The following GREB1 variants were observed in gnomAD, a reference collection of about 807,000 sequenced individuals.
GREB1 encodes the protein growth regulating estrogen receptor binding 1.
A neutral mutation model predicts 200.7 loss-of-function variants in GREB1; 106 were observed. The observed-to-expected ratio is 0.53, with a 90% CI of 0.45 to 0.62. The LOEUF is 0.62. Ranked by LOEUF, GREB1 falls within the 20% of genes least tolerant of loss-of-function variation. The pLI, the probability that GREB1 is intolerant of heterozygous loss-of-function variation, is 0.00. For missense variants in GREB1, 2,243 were observed against 2,556.8 expected (o/e 0.88, Z 2.65); for synonymous variants, 1,132 against 1,092.4 (o/e 1.04, Z -0.72).
chr2:11,640,514 C>G lies in GREB1; in HGVS notation c.*60C>G. 6.3e-7 allele frequency: 1 copy of G among 1,576,986 alleles called. No homozygotes were observed. Among genetic ancestry groups the G allele is most frequent in the South Asian group, 1.1e-5 (1 of 90,102 alleles). On this transcript the variant is annotated 3_prime_UTR_variant, in exon 33 of 33. Transcript: ENST00000381486. The surrounding 1 kb of genome is among the most constrained non-coding windows in gnomAD (Gnocchi z 4.6). ...GCTCAGAGCCCTCATGCTGTTGAGG[C>G]TAAAGGGAGGCCTGGAACGGTGGGG...
chr2:11,500,872 A>G (rs575741763), intron 1 of GREB1, among the ~76,000 whole-genome samples: 30 of 152,358 alleles, frequency 2.0e-4, no homozygotes, highest in Admixed American at 3.3e-4. Context: ...GAGGAATGGC[A>G]GAAGAAACGA....
At chr2:11,491,480 A>G (rs1672772711) in intron 1 of GREB1, among the ~76,000 whole-genome samples, 1 of 152,212 alleles carries the variant, frequency 6.6e-6, no homozygotes. Flanking sequence ...GTCTGAGAGT[A>G]GGGCCAATGA....
chr2:11,518,984 C>T (rs1160752967), intron 1 of GREB1, among the ~76,000 whole-genome samples: 4 of 151,344 alleles, frequency 2.6e-5, no homozygotes, highest in African/African-American at 9.7e-5. Context: ...CCTGTAGGCC[C>T]AGCTACTTGG....
rs186599330 is a variant in GREB1 at position 11,527,729 on chromosome 2, C to A, written c.-158-28728C>A. 1.7e-3 allele frequency among the ~76,000 whole-genome samples: 266 copies of A among 152,312 alleles called. 1 individual carries two copies. The highest frequency in any genetic ancestry group is 6.2e-3 in the African/African-American group (256 of 41,572). ...TAGTAAAACAGATGTGGACTCAGCT[C>A]TCATGTAGTTCAGGGTCCTACGGGA... On this transcript the variant is annotated intron_variant, in intron 1 of 2. Coordinates refer to the GREB1 transcript ENST00000628795.
At position 11,592,762 on chromosome 2, in the gene GREB1, G is replaced by A. The variant is rs752729465; in HGVS notation, c.1346-14G>A. On this transcript the variant is annotated splice_polypyrimidine_tract_variant and intron_variant, in intron 10 of 32. Coordinates refer to ENST00000381486, the MANE Select transcript of GREB1 (RefSeq NM_014668.4). Reference sequence around the variant, plus strand: ...GGCATTTGTGGCAGGCCCTCCGCCCGCATTGTGTTGCAGCCGCGGACCAGG... The same window carrying A: ...GGCATTTGTGGCAGGCCCTCCGCCCACATTGTGTTGCAGCCGCGGACCAGG... 4 of 1,475,754 alleles carry A rather than the reference G, an allele frequency of 2.7e-6. No homozygotes were observed. The highest frequency in any genetic ancestry group is 5.1e-5 in the Admixed American group (2 of 38,890). 91.4% of individuals were successfully genotyped at this position (1,475,754 alleles called of 1,614,324 possible).
At chr2:11,568,597 T>C (rs917599324) in intron 4 of GREB1, among the ~76,000 whole-genome samples, 18 of 152,262 alleles carry the variant, frequency 1.2e-4, no homozygotes, top group Non-Finnish European at 5.9e-5. Context: ...AGGCCATGCC[T>C]GGTGGCCACC....
chr2:11,517,478 A>C (rs560023630), intron 1 of GREB1: 2 of 151,354 alleles, frequency 1.3e-5, no homozygotes, highest in East Asian at 4.0e-4. Flanking sequence ...ATGGGAGACC[A>C]CTGGGGAGAC....
intron 8 of GREB1, among the ~76,000 whole-genome samples, chr2:11,585,497 C>T (rs954456191): frequency 6.6e-6 from 1 of 152,226 alleles, no homozygotes; most frequent in African/African-American, 2.4e-5. Flanking sequence ...ATAGTGAGTT[C>T]TCTGATCCTT....
chr2:11,537,672 TTTATATA>T (rs1382162894), intron 1 of GREB1, among the ~76,000 whole-genome samples: 1 of 136,766 alleles, frequency 7.3e-6, no homozygotes, highest in Non-Finnish European at 1.5e-5. Flanking sequence ...ATAAAAATAT[TTTATATA>T]TTATATATTA....
chr2:11,564,289 G>C (rs1187162508), intron 3 of GREB1, among the ~76,000 whole-genome samples: 2 of 152,058 alleles, frequency 1.3e-5, no homozygotes, highest in African/African-American at 4.8e-5. Flanking sequence ...TCGATGGGCT[G>C]CTCTTCCAGG....
chr2:11,512,842 C>G (rs10205078), intron 1 of GREB1, among the ~76,000 whole-genome samples: 1 of 152,142 alleles, frequency 6.6e-6, no homozygotes, highest in South Asian at 2.1e-4. Context: ...AGACTTTTTA[C>G]GCAGCTTAAG....
Position 11,642,647 on chromosome 2 carries a change from C to G in GREB1, c.*2193C>G, listed in dbSNP as rs1685878793. 6.6e-6 allele frequency: 1 copy of G among 152,202 alleles called. No individual in the cohort carries two copies. The highest frequency in any genetic ancestry group is 1.5e-5 in the Non-Finnish European group (1 of 68,036). 9.4% of individuals were successfully genotyped at this position (152,202 alleles called of 1,614,324 possible). A position where few individuals can be genotyped will look rare whatever the true frequency, so the allele number is the denominator to read the frequency against. On this transcript the variant is annotated 3_prime_UTR_variant, in exon 33 of 33. Coordinates refer to ENST00000381486, the MANE Select transcript of GREB1 (RefSeq NM_014668.4). Reference sequence around the variant, plus strand: ...CTATTTTGGAATAAAAACTGACCTTCTTTAATCATATACTTGTCTTTTGTA... The same window carrying G: ...CTATTTTGGAATAAAAACTGACCTTGTTTAATCATATACTTGTCTTTTGTA...
chr2:11,492,189 A>G lies in GREB1; in HGVS notation c.-159+9808A>G, dbSNP rs1431896909. 6.6e-6 allele frequency among the ~76,000 whole-genome samples: 1 copy of G among 152,132 alleles called. No homozygotes were observed. Among genetic ancestry groups the G allele is most frequent in the Non-Finnish European group, 1.5e-5 (1 of 68,028 alleles). On this transcript the variant is annotated intron_variant, in intron 1 of 2. Coordinates refer to the GREB1 transcript ENST00000628795. The surrounding 1 kb of genome is among the most constrained non-coding windows in gnomAD (Gnocchi z 4.0). ...TCTGGGATTGTTCACCTAGCACTGG[A>G]GCATCGTCATGGACACGCCAGGCCT...
At chr2:11,636,324 A>G (rs1685314121) in intron 30 of GREB1, among the ~76,000 whole-genome samples, 1 of 152,134 alleles carries the variant, frequency 6.6e-6, no homozygotes, top group Non-Finnish European at 1.5e-5. Context: ...TGGCTTTAAA[A>G]CGAACTTTTC....
Position 11,493,590 on chromosome 2 carries a change from G to A in GREB1, c.-159+11209G>A, listed in dbSNP as rs182931670. 5.7e-4 allele frequency among the ~76,000 whole-genome samples: 87 copies of A among 152,284 alleles called. No individual in the cohort carries two copies. Among genetic ancestry groups the A allele is most frequent in the Non-Finnish European group, 9.0e-4 (61 of 68,026 alleles). Reference sequence around the variant, plus strand: ...ATGGACCAGTACCAGTCTGTGGCCCGGGGACTGGGGACCCCTGAATTCGCC... The same window carrying A: ...ATGGACCAGTACCAGTCTGTGGCCCAGGGACTGGGGACCCCTGAATTCGCC... On this transcript the variant is annotated intron_variant, in intron 1 of 2. Coordinates refer to the GREB1 transcript ENST00000628795. This position sits in a 1 kb window ranked among gnomAD's most constrained non-coding sequence, Gnocchi z 4.6.
Position 11,597,793 on chromosome 2 carries a change from A to G in GREB1, c.1967A>G (p.Glu656Gly). 3 of 1,614,144 alleles carry G rather than the reference A, an allele frequency of 1.9e-6. No homozygotes were observed. Among genetic ancestry groups the G allele is most frequent in the Non-Finnish European group, 2.5e-6 (3 of 1,180,008 alleles). The change falls in exon 14 of 33, where the codon GAG becomes GGG. Residue 656 changes from glutamate (E) to glycine (G), a missense_variant. Physicochemically the swap from Glu to Gly is moderately conservative, Grantham distance 98. Around this residue, in one of 3 missense-constraint regions of GREB1, gnomAD observed 1,178 missense variants for 1,387.4 expected, o/e 0.85. Coordinates refer to ENST00000381486, the MANE Select transcript of GREB1 (RefSeq NM_014668.4). This position sits in a 1 kb window ranked among gnomAD's most constrained non-coding sequence, Gnocchi z 4.1. ...GTPVCTSYNLEPHSIRPFQLA... is the reference protein window; with the variant it reads ...GTPVCTSYNLGPHSIRPFQLA... The stretch of plus-strand genomic sequence containing the variant: ...GCTCTGGTTCCAGGTTACAATCTGG[A>G]GCCACACAGCATCCGGCCCTTCCAG...
intron 26 of GREB1, among the ~76,000 whole-genome samples, chr2:11,630,376 T>G (rs1388983756): frequency 2.6e-5 from 4 of 152,234 alleles, no homozygotes; most frequent in South Asian, 2.1e-4. Context: ...GAGTAGCAAC[T>G]TGCAAAAGCT....
At chr2:11,602,190 C>G (rs960246129) in intron 16 of GREB1, among the ~76,000 whole-genome samples, 1 of 152,214 alleles carries the variant, frequency 6.6e-6, no homozygotes, top group Non-Finnish European at 1.5e-5. Context: ...TGGAAAACTC[C>G]TGAGCAATGG....
At chr2:11,506,141 A>T (rs1162225547) in intron 1 of GREB1, among the ~76,000 whole-genome samples, 2 of 152,060 alleles carry the variant, frequency 1.3e-5, no homozygotes, top group African/African-American at 4.8e-5. Context: ...CCCAGTGCAC[A>T]TGGTCCCCGT....
Sources: gnomAD v4.1 joint callset for allele counts (sites outside exome capture counted in the v4.1 genomes callset) on GRCh38, gnomAD v4.1.1 for gene constraint, gnomAD v4.1.1 regional missense constraint, Gnocchi (gnomAD v3.1) non-coding constraint, MANE v1.5 for transcripts, NCBI Gene and HGNC (gene_info 2026-07-23, HGNC 2026-07-21) for gene names.